Variants in CREB3L2 observed in about 807,000 individuals in gnomAD.
CREB3L2 encodes cyclic AMP-responsive element-binding protein 3-like protein 2.
Under a neutral mutation model 57.2 loss-of-function variants are expected in CREB3L2, and 23 were observed. The ratio of observed to expected loss-of-function variants is 0.40; its 90% CI spans 0.29 to 0.57. The LOEUF (loss-of-function observed/expected upper bound fraction) is 0.57. Among genes scored for constraint, CREB3L2 ranks in the 20% least tolerant of loss-of-function variants. CREB3L2 has a pLI of 0.42. For missense variants in CREB3L2, 628 were observed against 634.7 expected, an observed-to-expected ratio of 0.99 and a Z score of 0.11; for synonymous variants, 268 against 265.1, an observed-to-expected ratio of 1.01 and a Z score of -0.11.
chr7:137,948,268 A>G (rs951333060), intron 1 of CREB3L2, among the ~76,000 whole-genome samples: 1 of 152,260 alleles, frequency 6.6e-6, no homozygotes, highest in Non-Finnish European at 1.5e-5. Flanking sequence ...GCCTACTAGG[A>G]CTACCTAAAA....
At chr7:137,992,026 C>A (rs763999310) in intron 1 of CREB3L2, among the ~76,000 whole-genome samples, 42 of 152,040 alleles carry the variant, frequency 2.8e-4, no homozygotes, top group Non-Finnish European at 1.6e-4. Flanking sequence ...CATCTCAATT[C>A]TTTAAAAAAA....
chr7:137,964,210 G>A (rs1801370817), intron 1 of CREB3L2, among the ~76,000 whole-genome samples: 1 of 152,208 alleles, frequency 6.6e-6, no homozygotes, highest in Non-Finnish European at 1.5e-5. Flanking sequence ...CAGCTACTTG[G>A]GAGGCTGAGG....
intron 8 of CREB3L2, among the ~76,000 whole-genome samples, chr7:137,888,884 G>C (rs2117181638): frequency 6.6e-6 from 1 of 152,124 alleles, no homozygotes; most frequent in Admixed American, 6.6e-5. Context: ...TGGGCATGAG[G>C]GGGTAAGGTT....
Position 137,981,717 on chromosome 7 carries a change from T to C in CREB3L2, c.102+19887A>G, listed in dbSNP as rs1344028839. ...AGAAAAGCCAGCTTCTACTATTGTCTGCTTTGAGTCCGAATCTTGAGAATA... is the reference window on the plus strand; with the variant it reads ...AGAAAAGCCAGCTTCTACTATTGTCCGCTTTGAGTCCGAATCTTGAGAATA... On this transcript the variant is annotated intron_variant, in intron 1 of 11. Transcript: ENST00000330387. Among the ~76,000 whole-genome samples, 7 of 152,360 alleles carry C rather than the reference T, an allele frequency of 4.6e-5. No individual in the cohort carries two copies. In the East Asian group the frequency reaches 1.2e-3, roughly 25 times the overall value.
intron 1 of CREB3L2, among the ~76,000 whole-genome samples, chr7:137,953,722 C>T (rs1286414242): frequency 1.3e-5 from 2 of 152,184 alleles, no homozygotes; most frequent in South Asian, 2.1e-4. Context: ...AGAAAAAATG[C>T]TTTGCCTAAT....
chr7:137,928,031 G>A, intron 2 of CREB3L2, 119 bp downstream of exon 2: 2 of 802,152 alleles, frequency 2.5e-6, no homozygotes, highest in Non-Finnish European at 4.1e-6. Flanking sequence ...CGTACACACT[G>A]TAGGTATCTC....
At chr7:137,914,149 ATAAT>A (rs1215418785) in intron 3 of CREB3L2, among the ~76,000 whole-genome samples, 1 of 149,808 alleles carries the variant, frequency 6.7e-6, no homozygotes. Context: ...ATTAATATTA[ATAAT>A]TAATAATGTT....
chr7:137,911,185 C>T (rs1413915563), intron 4 of CREB3L2, among the ~76,000 whole-genome samples: 1 of 152,210 alleles, frequency 6.6e-6, no homozygotes, highest in Non-Finnish European at 1.5e-5. Context: ...TACTGTCTGT[C>T]ACTCAGTGCA....
chr7:137,956,611 C>T (rs1482217844), intron 1 of CREB3L2: 1 of 1,289,110 alleles, frequency 7.8e-7, no homozygotes, highest in South Asian at 1.2e-5. Flanking sequence ...CACGGACAGC[C>T]ATGCCGAATA....
chr7:137,983,838 G>C (rs573465875), intron 1 of CREB3L2, among the ~76,000 whole-genome samples: 1 of 152,286 alleles, frequency 6.6e-6, no homozygotes, highest in South Asian at 2.1e-4. Context: ...TCCAGGTTCT[G>C]CACTCAGGGG....
At chr7:137,992,188 G>A (rs1801910588) in intron 1 of CREB3L2, among the ~76,000 whole-genome samples, 1 of 152,162 alleles carries the variant, frequency 6.6e-6, no homozygotes, top group South Asian at 2.1e-4. Context: ...AATATGGTAC[G>A]TGATCTAAGA....
At chr7:137,890,175 G>A (rs188988300) in intron 8 of CREB3L2, among the ~76,000 whole-genome samples, 6 of 152,126 alleles carry the variant, frequency 3.9e-5, no homozygotes, top group South Asian at 2.1e-4. Context: ...CCATTCTGAC[G>A]GCAAGGAGAT....
At chr7:137,904,346 C>T (rs577305120) in intron 6 of CREB3L2, among the ~76,000 whole-genome samples, 10 of 152,146 alleles carry the variant, frequency 6.6e-5, no homozygotes, top group African/African-American at 2.4e-4. Flanking sequence ...GCCTGGCCAA[C>T]ATGGTGAAAC....
intron 1 of CREB3L2, among the ~76,000 whole-genome samples, chr7:137,936,955 G>C (rs945372617): frequency 1.3e-5 from 2 of 152,170 alleles, no homozygotes; most frequent in Admixed American, 6.5e-5. Context: ...TGTAATGCCA[G>C]CCCATGGGCA....
chr7:137,978,388 G>C (rs1449620376), intron 1 of CREB3L2, among the ~76,000 whole-genome samples: 3 of 152,152 alleles, frequency 2.0e-5, no homozygotes, highest in African/African-American at 7.2e-5. Flanking sequence ...GGGTCTGTTG[G>C]AGCTAAGTGG....
At chr7:138,000,887 T>G (rs1287510092) in intron 1 of CREB3L2, among the ~76,000 whole-genome samples, 1 of 152,176 alleles carries the variant, frequency 6.6e-6, no homozygotes, top group Non-Finnish European at 1.5e-5. Flanking sequence ...TCTGAGGCAT[T>G]AGTATAAGAC....
intron 1 of CREB3L2, among the ~76,000 whole-genome samples, chr7:137,950,520 T>C (rs1227077327): frequency 6.6e-6 from 1 of 152,196 alleles, no homozygotes; most frequent in African/African-American, 2.4e-5. Context: ...CTCTACCCCA[T>C]GCTTCTGAGC....
chr7:137,964,788 CAT>C (rs1563267501), intron 1 of CREB3L2, among the ~76,000 whole-genome samples: 1 of 152,218 alleles, frequency 6.6e-6, no homozygotes, highest in Non-Finnish European at 1.5e-5. Context: ...ATAATTCCCA[CAT>C]GTTGTGGGAG....
chr7:137,971,466 T>A (rs1166967689), intron 1 of CREB3L2, among the ~76,000 whole-genome samples: 4 of 128,698 alleles, frequency 3.1e-5, no homozygotes, highest in Non-Finnish European at 7.0e-5. Context: ...AAAAAAAAAA[T>A]TTTGGATGGG....
Sources: allele counts gnomAD v4.1 joint callset (sites outside exome capture counted in the v4.1 genomes callset), GRCh38; gene constraint gnomAD v4.1.1; transcripts MANE v1.5; gene names NCBI Gene and HGNC (gene_info 2026-07-23, HGNC 2026-07-21).